The following DAGLB variants were observed in gnomAD, a reference collection of about 807,000 sequenced individuals.
DAGLB encodes diacylglycerol lipase beta.
DAGLB carries 66 observed loss-of-function variants against 72.1 expected under a neutral mutation model. That is an observed-to-expected ratio of 0.92 (90% CI 0.75 to 1.12). The LOEUF is 1.12. Among genes scored for constraint, DAGLB ranks in the 50% most tolerant of loss-of-function variants. The pLI is 0.00. For synonymous variants in DAGLB, 414 were observed against 359.5 expected, an observed-to-expected ratio of 1.15 and a Z score of -1.71; for missense variants, 1,065 against 884.9, an observed-to-expected ratio of 1.20 and a Z score of -2.58.
chr7:6,444,336 T>A (rs1784929417), intron 2 of DAGLB, among the ~76,000 whole-genome samples: 2 of 152,142 alleles, frequency 1.3e-5, no homozygotes, highest in African/African-American at 4.8e-5. Flanking sequence ...GCGCGGTGAC[T>A]CACACTTGTA....
chr7:6,447,746 A>C lies in DAGLB; in HGVS notation c.95+2T>G. ...CACCGCCCCCGTAGCCGCCGTCCTT[A>C]CCACAGCACTCGCACGACCAGCTCG... On this transcript the variant is annotated splice_donor_variant, in intron 1 of 14. Coordinates refer to ENST00000297056, the MANE Select transcript of DAGLB (RefSeq NM_139179.4). LOFTEE classifies it high-confidence loss of function. 1.2e-6 allele frequency: 2 copies of C among 1,612,228 alleles called. No individual in the cohort carries two copies. The highest frequency in any genetic ancestry group is 2.2e-5 in the East Asian group (1 of 44,718).
chr7:6,432,803 G>A (rs764549715), intron 5 of DAGLB, 34 bp downstream of exon 5: 9 of 1,602,904 alleles, frequency 5.6e-6, no homozygotes, highest in Non-Finnish European at 5.1e-6. Context: ...AGGTGTAAGT[G>A]TCAGAACTGG....
chr7:6,430,397 C>A lies in DAGLB; in HGVS notation c.929+83G>T, dbSNP rs1784449198. ...ATTCATGGGAGTTCTTTGCACTGTT[C>A]TTTCAAATTTTTGAAATATCTCAAA... On this transcript the variant is annotated intron_variant, in intron 6 of 14. Coordinates refer to ENST00000297056, the MANE Select transcript of DAGLB (RefSeq NM_139179.4). The A allele has an allele frequency of 1.7e-5, 24 of 1,386,008 alleles. No individual in the cohort carries two copies. The South Asian group carries it at 3.6e-4, about 21-fold the overall frequency. The allele number at this position is 1,386,008 out of a possible 1,614,324, so 85.9% of individuals were successfully genotyped here. A position where few individuals can be genotyped will look rare whatever the true frequency, so the allele number is the denominator to read the frequency against.
intron 11 of DAGLB, among the ~76,000 whole-genome samples, chr7:6,414,566 G>A (rs112272277): frequency 0.12 from 18,912 of 151,930 alleles, 1,318 homozygotes; most frequent in Admixed American, 0.18. Flanking sequence ...CTCCCAAAGC[G>A]CTGGGGTTAC....
chr7:6,419,011 G>A (rs1784017090), intron 9 of DAGLB, among the ~76,000 whole-genome samples: 2 of 150,788 alleles, frequency 1.3e-5, no homozygotes, highest in Non-Finnish European at 2.9e-5. Flanking sequence ...GTAGAATGCT[G>A]AACCCAGCCA....
chr7:6,431,108 C>T (rs915801386), intron 5 of DAGLB, among the ~76,000 whole-genome samples: 8 of 151,708 alleles, frequency 5.3e-5, no homozygotes, highest in African/African-American at 1.5e-4. Flanking sequence ...ACAGCAAGCA[C>T]GGGGAAGTTA....
chr7:6,447,714 T>C (rs200969175), intron 1 of DAGLB, 34 bp downstream of exon 1: 1 of 1,600,148 alleles, frequency 6.2e-7, no homozygotes, highest in East Asian at 2.3e-5. Context: ...CCCTCTCCGG[T>C]GGGCTCCACC....
chr7:6,434,257 T>C (rs988509096), intron 4 of DAGLB, among the ~76,000 whole-genome samples: 1 of 152,154 alleles, frequency 6.6e-6, no homozygotes, highest in Non-Finnish European at 1.5e-5. Context: ...AAACAAGCAT[T>C]TTCAAATTGC....
chr7:6,445,441 C>G (rs1784968095), intron 2 of DAGLB, among the ~76,000 whole-genome samples: 1 of 152,034 alleles, frequency 6.6e-6, no homozygotes, highest in African/African-American at 2.4e-5. Context: ...AGACAGAAAG[C>G]AAATTAGTGA....
rs1447562234 is a variant in DAGLB, at chr7:6,443,376, G to A, written c.247+2577C>T. On this transcript the variant is annotated intron_variant, in intron 2 of 14. Coordinates refer to ENST00000297056, the MANE Select transcript of DAGLB (RefSeq NM_139179.4). ...GCTGAGGCAGAATTGTTTGAATCTG[G>A]GAGGCAGAGGTTGGTTGCAGTGAGC... Among the ~76,000 whole-genome samples the A allele has an allele frequency of 2.6e-5, 4 of 152,020 alleles. No homozygotes were observed. The East Asian group carries it at 5.8e-4, about 22-fold the overall frequency.
rs1341577876 is a variant in DAGLB at position 6,447,795 on chromosome 7, G to A, written c.48C>T (p.Asp16=). The A allele has an allele frequency of 6.2e-7, 1 of 1,613,602 alleles. No individual in the cohort carries two copies. ...CGAAGAACCCTGGGAAGACCAAGTC[G>A]TCGCTGGCGATGGCCCAGCGCCGGC... ...LFGRRWAIAS[D]DLVFPGFFEL... The change falls in exon 1 of 15, where the codon GAC becomes GAT. Residue 16 remains aspartate (D), a synonymous_variant. Coordinates refer to ENST00000297056, the MANE Select transcript of DAGLB (RefSeq NM_139179.4).
chr7:6,421,636 C>G, intron 9 of DAGLB, 91 bp downstream of exon 9: 1 of 1,294,772 alleles, frequency 7.7e-7, no homozygotes. Flanking sequence ...GAGGCGCAGG[C>G]AGCGCGGGCT....
rs1315397745 is a variant in DAGLB at position 6,416,517 on chromosome 7, T to G, written c.1427+110A>C. On this transcript the variant is annotated intron_variant, in intron 11 of 14. Transcript: ENST00000297056. ...GAGATCACGCCACTGCACTCCAGCCTGGGCGACAGAGCAAGACTTCATCTC... is the reference window on the plus strand; with the variant it reads ...GAGATCACGCCACTGCACTCCAGCCGGGGCGACAGAGCAAGACTTCATCTC... 2.7e-6 allele frequency: 4 copies of G among 1,482,284 alleles called. No homozygotes were observed. The East Asian group carries it at 9.3e-5, about 34-fold the overall frequency. 91.8% of individuals were successfully genotyped at this position (1,482,284 alleles called of 1,614,324 possible).
intron 13 of DAGLB, 130 bp downstream of exon 13, chr7:6,412,681 G>A: frequency 1.9e-6 from 2 of 1,026,214 alleles, no homozygotes; most frequent in Non-Finnish European, 2.9e-6. Flanking sequence ...CTGATCAGAT[G>A]GTGGAAGGAG....
intron 3 of DAGLB, 139 bp downstream of exon 3, chr7:6,436,223 T>G: frequency 9.3e-7 from 1 of 1,071,994 alleles, no homozygotes. Context: ...TAAATTTTCA[T>G]GAGTTACGCA....
chr7:6,424,796 T>C lies in DAGLB; in HGVS notation c.1096A>G (p.Lys366Glu), dbSNP rs147691133. ...CTCACAGCGACCACAACAGACTCTTTCCTGTGATCCAGAGCCACTAAAAAC... is the reference window on the plus strand; with the variant it reads ...CTCACAGCGACCACAACAGACTCTTCCCTGTGATCCAGAGCCACTAAAAAC... ...LPFLVALDHR[K>E]ESVVVAVRGT... The change falls in exon 8 of 15, where the codon AAA becomes GAA. Residue 366 changes from lysine to glutamate, a missense_variant. Coordinates refer to ENST00000297056, the MANE Select transcript of DAGLB (RefSeq NM_139179.4). The C allele has an allele frequency of 1.9e-5, 30 of 1,613,666 alleles. No individual in the cohort carries two copies. The highest frequency in any genetic ancestry group is 2.5e-5 in the Non-Finnish European group (29 of 1,179,856).
chr7:6,436,406 G>A lies in DAGLB; in HGVS notation c.375C>T (p.Cys125=), dbSNP rs201822562. The A allele has an allele frequency of 4.0e-5, 65 of 1,613,812 alleles. No homozygotes were observed. The Middle Eastern group carries it at 4.9e-4, about 12-fold the overall frequency. ...GAAWVADGVQ[C]DRTVVNGIIA... ...TGATGCCGTTTACAACTGTCCTGTCGCACTGAACACCATCTGCCACCCAGG... is the reference window on the plus strand; with the variant it reads ...TGATGCCGTTTACAACTGTCCTGTCACACTGAACACCATCTGCCACCCAGG... The change falls in exon 3 of 15, where the codon TGC becomes TGT. Residue 125 remains cysteine, a synonymous_variant. Coordinates refer to ENST00000297056, the MANE Select transcript of DAGLB (RefSeq NM_139179.4).
At chr7:6,437,159 AATAAT>A (rs200206396) in intron 2 of DAGLB, among the ~76,000 whole-genome samples, 5,548 of 116,598 alleles carry the variant, frequency 0.048, 344 homozygotes, top group East Asian at 0.33. Context: ...GTCTCAAAAT[AATAAT>A]AATAATAATA....
intron 1 of DAGLB, among the ~76,000 whole-genome samples, chr7:6,446,975 A>T (rs1785027124): frequency 6.6e-6 from 1 of 151,916 alleles, no homozygotes; most frequent in Non-Finnish European, 1.5e-5. Flanking sequence ...GCACCACTGC[A>T]CTCCCGCCTG....
Sources: allele counts gnomAD v4.1 joint callset (sites outside exome capture counted in the v4.1 genomes callset), GRCh38; gene constraint gnomAD v4.1.1; transcripts MANE v1.5; gene names NCBI Gene and HGNC (gene_info 2026-07-23, HGNC 2026-07-21).